The following ZNF385C variants were observed in gnomAD, a reference collection of about 807,000 sequenced individuals.
The protein encoded by ZNF385C is CTD-2132N18.2.
A neutral mutation model predicts 35.4 loss-of-function variants in ZNF385C; 28 were observed. The observed-to-expected ratio is 0.79, with a 90% CI of 0.59 to 1.08. ZNF385C has a LOEUF of 1.08. Ranked by LOEUF, ZNF385C falls within the 50% of genes least tolerant of loss-of-function variation. The pLI is 0.00. For synonymous variants in ZNF385C, 248 were observed against 248.2 expected (o/e 1.00, Z 0.01); for missense variants, 605 against 595.6 (o/e 1.02, Z -0.16).
In ZNF385C at chr17:42,050,953, T is replaced by A. The variant is rs2053271176; in HGVS notation, c.250+11854A>T. ...GAGGCTGCAAAGTGTTCTGAGAGTT[T>A]GGAAGCAAGTGCTTTGGGATCACGA... On this transcript the variant is annotated intron_variant, in intron 2 of 8. Transcript: ENST00000692273. This position sits in a 1 kb window ranked among gnomAD's most constrained non-coding sequence, Gnocchi z 5.6. 6.6e-6 allele frequency among the ~76,000 whole-genome samples: 1 copy of A among 152,022 alleles called. No homozygotes were observed. Among genetic ancestry groups the A allele is most frequent in the Non-Finnish European group, 1.5e-5 (1 of 67,958 alleles).
rs73986508 is a variant in ZNF385C, at chr17:42,055,237, G to C, written c.250+7570C>G. 8.2e-3 allele frequency among the ~76,000 whole-genome samples: 1,256 copies of C among 152,282 alleles called. 18 individuals carry two copies. Among genetic ancestry groups the C allele is most frequent in the African/African-American group, 0.028 (1,169 of 41,550 alleles). On this transcript the variant is annotated intron_variant, in intron 2 of 8. Coordinates refer to ENST00000692273, the MANE Select transcript of ZNF385C (RefSeq NM_001392013.1). ...AACAGGTTTGTTAGGAAGGGGCTCT[G>C]GGGGGAGGAGTTGTTTGTGTGGGGA...
chr17:42,055,618 C>T (rs1454706158), intron 2 of ZNF385C, among the ~76,000 whole-genome samples: 2 of 152,064 alleles, frequency 1.3e-5, no homozygotes, highest in African/African-American at 2.4e-5. Flanking sequence ...TGTGGGAGGC[C>T]GTGACTGGGG....
At chr17:42,098,250 C>T (rs781854404) in intron 1 of ZNF385C, among the ~76,000 whole-genome samples, 160 bp downstream of exon 1, 22 of 152,236 alleles carry the variant, frequency 1.4e-4, no homozygotes, top group Non-Finnish European at 2.8e-4. Context: ...CCAGCAGATG[C>T]CCAACGTCGG....
Position 42,027,733 on chromosome 17 carries a change from T to A in ZNF385C, c.1165-5A>T. The A allele has an allele frequency of 6.2e-7, 1 of 1,611,142 alleles. No homozygotes were observed. The highest frequency in any genetic ancestry group is 1.1e-5 in the South Asian group (1 of 90,812). ...GTGCCTCCTGCTGCTCATGTGCTAA[T>A]GGACAGACAGACAGACTGGGAACAA... is the stretch of plus-strand genomic sequence containing the variant. On this transcript the variant is annotated splice_polypyrimidine_tract_variant and splice_region_variant and intron_variant, in intron 7 of 8. Transcript: ENST00000692273.
At chr17:42,081,127 C>T (rs1021342131) in intron 1 of ZNF385C, among the ~76,000 whole-genome samples, 2 of 152,104 alleles carry the variant, frequency 1.3e-5, no homozygotes, top group African/African-American at 2.4e-5. Flanking sequence ...TAGCAGTGAA[C>T]GGAAGTCCAA....
chr17:42,042,991 A>T, intron 2 of ZNF385C: 2 of 1,232,330 alleles, frequency 1.6e-6, no homozygotes, highest in African/African-American at 1.5e-5. Flanking sequence ...CAGCACAGCC[A>T]CTTTGGCCGG....
chr17:42,034,661 G>A (rs1009149297), intron 3 of ZNF385C, among the ~76,000 whole-genome samples: 4 of 151,538 alleles, frequency 2.6e-5, no homozygotes, highest in Non-Finnish European at 5.9e-5. Flanking sequence ...GCGCATGCCT[G>A]TAATCTCAGC....
chr17:42,057,511 C>CGT (rs1480852349), intron 2 of ZNF385C, among the ~76,000 whole-genome samples: 2 of 145,990 alleles, frequency 1.4e-5, no homozygotes, highest in African/African-American at 2.7e-5. Flanking sequence ...CGCGCGCGCG[C>CGT]GCGTGTGTGT....
chr17:42,091,701 C>T (rs909029736), intron 1 of ZNF385C, among the ~76,000 whole-genome samples: 10 of 152,218 alleles, frequency 6.6e-5, no homozygotes, highest in Non-Finnish European at 1.3e-4. Context: ...CCAGTCTCAA[C>T]CTAGGGAGAG....
chr17:42,040,867 C>CA (rs2053002385), intron 2 of ZNF385C: 3 of 1,232,302 alleles, frequency 2.4e-6, no homozygotes. Context: ...CAGCAGTGGG[C>CA]AAGTGGCCCG....
chr17:42,053,139 G>C (rs1285199567), intron 2 of ZNF385C, among the ~76,000 whole-genome samples: 1 of 152,162 alleles, frequency 6.6e-6, no homozygotes, highest in African/African-American at 2.4e-5. Flanking sequence ...AGGATGTGCA[G>C]ACTGCCCCCA....
chr17:42,030,530 CAG>C lies in ZNF385C; in HGVS notation c.676+1087_676+1088del, dbSNP rs1434231408. Reference sequence around the variant, plus strand: ...AACAAAAAAAACCCACAAAACAAAACAGATACAAAAAAACCCCTGCACACTCT... The same window carrying C: ...AACAAAAAAAACCCACAAAACAAAACATACAAAAAAACCCCTGCACACTCT... On this transcript the variant is annotated intron_variant, in intron 5 of 8. Transcript: ENST00000692273. Among the ~76,000 whole-genome samples, 173 of 152,048 alleles carry C rather than the reference CAG, an allele frequency of 1.1e-3. 2 individuals are homozygous for C. Among genetic ancestry groups the C allele is most frequent in the African/African-American group, 4.0e-3 (168 of 41,512 alleles).
chr17:42,031,338 C>T (rs1257412430), intron 5 of ZNF385C, among the ~76,000 whole-genome samples: 1 of 152,128 alleles, frequency 6.6e-6, no homozygotes, highest in Non-Finnish European at 1.5e-5. Context: ...TTCCTAACTT[C>T]ACAAATGAAG....
rs782745440 is a variant in ZNF385C, at chr17:42,062,893, G to A, written c.164C>T (p.Ala55Val). 6.9e-5 allele frequency: 47 copies of A among 679,756 alleles called. No homozygotes were observed. Among genetic ancestry groups the A allele is most frequent in the Admixed American group, 4.3e-4 (20 of 46,884 alleles). The allele number at this position is 679,756 out of a possible 1,614,324, so 42.1% of individuals were successfully genotyped here. A position where few individuals can be genotyped will look rare whatever the true frequency, so the allele number is the denominator to read the frequency against. ...CCCACAGTGCACCTGGGCCTGGGCC[G>A]CCGAGTTCAGCTGGATGTTGCAGAC... The part of the protein sequence containing the change: ...CDVCNIQLNS[A>V]AQAQVHCGGR... The change falls in exon 2 of 9, where the codon GCG becomes GTG. Residue 55 changes from alanine to valine, a missense_variant. Coordinates refer to ENST00000692273, the MANE Select transcript of ZNF385C (RefSeq NM_001392013.1).
At chr17:42,030,312 A>AC (rs1254411454) in intron 5 of ZNF385C, among the ~76,000 whole-genome samples, 102 of 152,214 alleles carry the variant, frequency 6.7e-4, no homozygotes, top group African/African-American at 2.2e-3. Context: ...ATATGGTGAA[A>AC]CCCCGTTTCT....
In ZNF385C at chr17:42,035,542, CTTTTTTT is replaced by C. The variant is rs67173303; in HGVS notation, c.400-1214_400-1208del. ...CACAGGGCCTGAGGCTGCTGACGACCTTTTTTTTTTTTTTTTTTTTTTTTTATAAGAT... is the reference window on the plus strand; with the variant it reads ...CACAGGGCCTGAGGCTGCTGACGACCTTTTTTTTTTTTTTTTTTATAAGAT... On this transcript the variant is annotated intron_variant, in intron 3 of 8. Coordinates refer to ENST00000692273, the MANE Select transcript of ZNF385C (RefSeq NM_001392013.1). Among the ~76,000 whole-genome samples the C allele has an allele frequency of 6.8e-3, 716 of 105,594 alleles. 34 individuals are homozygous for C. Among genetic ancestry groups the C allele is most frequent in the Admixed American group, 0.064 (611 of 9,480 alleles). 69.3% of individuals were successfully genotyped at this position (105,594 alleles called of 152,430 possible). A position where few individuals can be genotyped will look rare whatever the true frequency, so the allele number is the denominator to read the frequency against.
chr17:42,051,690 A>G (rs2053284439), intron 2 of ZNF385C, among the ~76,000 whole-genome samples: 1 of 152,092 alleles, frequency 6.6e-6, no homozygotes, highest in African/African-American at 2.4e-5. Flanking sequence ...AGACAGCACA[A>G]AGTCACCCAG....
In ZNF385C at chr17:42,090,699, G is replaced by GGCTAACACA. The variant is rs1555660467; in HGVS notation, c.-3+7710_-3+7711insTGTGTTAGC. 2.2e-4 allele frequency among the ~76,000 whole-genome samples: 33 copies of GGCTAACACA among 151,932 alleles called. No individual in the cohort carries two copies. The East Asian group carries it at 5.0e-3, about 23-fold the overall frequency. The stretch of plus-strand genomic sequence containing the variant: ...CACGAGGTCAGGAGATCGAGACCAT[G>GGCTAACACA]GTGAAACCCCATCTCTACTAAAAAT... On this transcript the variant is annotated intron_variant, in intron 1 of 8. Transcript: ENST00000692273.
chr17:42,030,930 C>T (rs1321535826), intron 5 of ZNF385C, among the ~76,000 whole-genome samples: 1 of 152,044 alleles, frequency 6.6e-6, no homozygotes, highest in Non-Finnish European at 1.5e-5. Flanking sequence ...GACACTTTCT[C>T]CTCTAAGCCC....
Sources: allele counts gnomAD v4.1 joint callset (sites outside exome capture counted in the v4.1 genomes callset), GRCh38; gene constraint gnomAD v4.1.1; non-coding constraint Gnocchi (gnomAD v3.1); transcripts MANE v1.5; gene names NCBI Gene and HGNC (gene_info 2026-07-23, HGNC 2026-07-21).